SPIDR: variants seen among roughly 807,000 people sequenced by gnomAD.
SPIDR encodes DNA repair-scaffolding protein.
SPIDR carries 93 observed loss-of-function variants against 104.6 expected under a neutral mutation model. The observed-to-expected ratio is 0.89, with a 90% CI of 0.75 to 1.06. SPIDR has a LOEUF of 1.06. SPIDR is among the 50% of genes least tolerant of loss of function. The pLI is 0.00. For synonymous variants in SPIDR, 431 were observed against 416.9 expected (o/e 1.03, Z -0.41); for missense variants, 1,154 against 1,111.2 (o/e 1.04, Z -0.55).
rs1354808936 is a variant in SPIDR, at chr8:47,522,891, TC to T, written c.1098-72919del. Among the ~76,000 whole-genome samples, 36 of 152,220 alleles carry T rather than the reference TC, an allele frequency of 2.4e-4. 1 individual carries two copies. The highest frequency in any genetic ancestry group is 5.2e-4 in the Admixed American group (8 of 15,286). On this transcript the variant is annotated intron_variant, in intron 8 of 19. Transcript: ENST00000297423. ...AAATCTCTAGTAACCTGATGATGTTTCTGTCACATTGTTTTGAAAGGAATAG... is the reference window on the plus strand; with the variant it reads ...AAATCTCTAGTAACCTGATGATGTTTTGTCACATTGTTTTGAAAGGAATAG...
chr8:47,682,584 T>C (rs779497350), intron 11 of SPIDR, among the ~76,000 whole-genome samples: 1 of 152,226 alleles, frequency 6.6e-6, no homozygotes, highest in Non-Finnish European at 1.5e-5. Flanking sequence ...TAATTTTACC[T>C]CAAGTTTAAA....
At chr8:47,592,582 G>A (rs1444925184) in intron 8 of SPIDR, 2 of 1,268,680 alleles carry the variant, frequency 1.6e-6, no homozygotes, top group African/African-American at 2.9e-5. Context: ...GGGTTTCCTT[G>A]ATGATCCTGC....
chr8:47,658,715 G>A (rs1252057760), intron 10 of SPIDR, among the ~76,000 whole-genome samples: 4 of 151,734 alleles, frequency 2.6e-5, no homozygotes, highest in African/African-American at 4.8e-5. Context: ...CCAGTGGATC[G>A]CCTGAGGTCA....
At chr8:47,392,940 T>C (rs2060779907) in intron 5 of SPIDR, among the ~76,000 whole-genome samples, 1 of 152,244 alleles carries the variant, frequency 6.6e-6, no homozygotes, top group Non-Finnish European at 1.5e-5. Context: ...CTTTTCAGTC[T>C]CTTGTCACCT....
At chr8:47,333,702 A>G (rs2154269632) in intron 5 of SPIDR, among the ~76,000 whole-genome samples, 1 of 152,382 alleles carries the variant, frequency 6.6e-6, no homozygotes, top group African/African-American at 2.4e-5. Flanking sequence ...TATGTGCTAT[A>G]GTTTTATACA....
intron 14 of SPIDR, among the ~76,000 whole-genome samples, chr8:47,708,593 C>T (rs541771277): frequency 1.6e-4 from 25 of 152,118 alleles, no homozygotes; most frequent in Non-Finnish European, 2.5e-4. Context: ...TGGGTTTGCA[C>T]AAATATGTAA....
At chr8:47,660,423 C>A in intron 10 of SPIDR, 3 of 984,824 alleles carry the variant, frequency 3.0e-6, no homozygotes, top group Non-Finnish European at 3.6e-6. Context: ...CAGTTTTAAT[C>A]GGCTCTTCCA....
At chr8:47,281,833 GT>G (rs1355731122) in intron 2 of SPIDR, among the ~76,000 whole-genome samples, 2 of 152,182 alleles carry the variant, frequency 1.3e-5, no homozygotes, top group East Asian at 3.8e-4. Flanking sequence ...TTTTCTGAAA[GT>G]TTTCAGTTTA....
chr8:47,341,041 T>C (rs528757487), intron 5 of SPIDR, among the ~76,000 whole-genome samples: 1 of 152,340 alleles, frequency 6.6e-6, no homozygotes, highest in Admixed American at 6.5e-5. Flanking sequence ...AGCCCCTCTG[T>C]AGCCAGTCAG....
intron 6 of SPIDR, among the ~76,000 whole-genome samples, chr8:47,403,215 A>C (rs919604538): frequency 4.6e-5 from 7 of 152,218 alleles, no homozygotes; most frequent in Non-Finnish European, 8.8e-5. Context: ...CAAAATAATA[A>C]GAGGTATTTA....
At chr8:47,408,196 A>G (rs1364302554) in intron 7 of SPIDR, among the ~76,000 whole-genome samples, 4 of 152,082 alleles carry the variant, frequency 2.6e-5, no homozygotes, top group African/African-American at 9.7e-5. Flanking sequence ...CTATAAATCT[A>G]CCCTTGACCT....
intron 14 of SPIDR, 114 bp from the exon 15 acceptor site, chr8:47,712,548 G>T: frequency 8.4e-7 from 1 of 1,195,206 alleles, no homozygotes; most frequent in East Asian, 2.6e-5. Context: ...ATGTTTTAAA[G>T]TGTTTTTGAA....
At chr8:47,272,599 T>G (rs1414270313) in intron 1 of SPIDR, among the ~76,000 whole-genome samples, 6 of 152,198 alleles carry the variant, frequency 3.9e-5, no homozygotes, top group Non-Finnish European at 8.8e-5. Flanking sequence ...CAGTTTAACC[T>G]TCATTTCCTC....
chr8:47,313,961 A>G (rs1340301904), intron 5 of SPIDR, among the ~76,000 whole-genome samples: 6 of 152,274 alleles, frequency 3.9e-5, no homozygotes, highest in Non-Finnish European at 8.8e-5. Flanking sequence ...GCTGAAGGAA[A>G]GTGTTACCAG....
chr8:47,431,497 C>G (rs1554689266), intron 7 of SPIDR, among the ~76,000 whole-genome samples: 3 of 152,202 alleles, frequency 2.0e-5, no homozygotes, highest in Non-Finnish European at 1.5e-5. Context: ...CACTCACCTT[C>G]CGAACAAGCT....
chr8:47,701,777 T>A lies in SPIDR; in HGVS notation c.1830T>A (p.Asn610Lys). The A allele has an allele frequency of 6.2e-7, 1 of 1,614,156 alleles. No homozygotes were observed. Among genetic ancestry groups the A allele is most frequent in the Middle Eastern group, 1.6e-4 (1 of 6,062 alleles). The stretch of plus-strand genomic sequence containing the variant: ...GTTACATCCTCACAGCTCATCCAAA[T>A]CTGGGACAAATTGATATAATTGACG... ...ALCYILTAHP[N>K]LGQIDIIDED... is the part of the protein sequence containing the mutation. Residue 610 changes from asparagine (N) to lysine (K), a missense_variant, in exon 13 of 20, where the codon AAT becomes AAA. Transcript: ENST00000297423.
At chr8:47,647,673 A>G (rs2070776751) in intron 10 of SPIDR, among the ~76,000 whole-genome samples, 1 of 150,770 alleles carries the variant, frequency 6.6e-6, no homozygotes, top group Non-Finnish European at 1.5e-5. Context: ...AGAGAGGGAG[A>G]GAGGGAGAGA....
intron 5 of SPIDR, among the ~76,000 whole-genome samples, chr8:47,391,596 A>T (rs1305741552): frequency 6.6e-6 from 1 of 152,134 alleles, no homozygotes; most frequent in East Asian, 1.9e-4. Flanking sequence ...CTACACGAAG[A>T]ATCCAGGATT....
At chr8:47,708,300 AAAACAAAC>A (rs927333134) in intron 14 of SPIDR, among the ~76,000 whole-genome samples, 2 of 152,256 alleles carry the variant, frequency 1.3e-5, no homozygotes, top group African/African-American at 4.8e-5. Context: ...CTCCGTCTCA[AAAACAAAC>A]AAACAAACAA....
Sources: allele counts gnomAD v4.1 joint callset (sites outside exome capture counted in the v4.1 genomes callset), GRCh38; gene constraint gnomAD v4.1.1; transcripts MANE v1.5; gene names NCBI Gene and HGNC (gene_info 2026-07-23, HGNC 2026-07-21).